HNMT: variants seen among roughly 807,000 people sequenced by gnomAD.
The protein encoded by HNMT is histamine N-methyltransferase.
A neutral mutation model predicts 32.1 loss-of-function variants in HNMT; 30 were observed. That is an observed-to-expected ratio of 0.93 (90% CI 0.70 to 1.27). The LOEUF (loss-of-function observed/expected upper bound fraction) is 1.27, where lower values mean the gene tolerates loss of function less well. Ranked by LOEUF, HNMT falls within the 50% of genes most tolerant of loss-of-function variation. The pLI, the probability that HNMT is intolerant of heterozygous loss-of-function variation, is 0.00. For missense variants in HNMT, 327 were observed against 346.0 expected, an observed-to-expected ratio of 0.95 and a Z score of 0.43; for synonymous variants, 125 against 119.0, an observed-to-expected ratio of 1.05 and a Z score of -0.33.
chr2:137,967,094 TAGATACCAG>T, intron 1 of HNMT: 1 of 780,664 alleles, frequency 1.3e-6, no homozygotes, highest in Non-Finnish European at 2.4e-6. Flanking sequence ...CACTGTCTTT[TAGATACCAG>T]AATTGCTGTT....
intron 4 of HNMT, among the ~76,000 whole-genome samples, chr2:138,004,518 C>A (rs1191421252): frequency 1.3e-5 from 2 of 151,972 alleles, no homozygotes; most frequent in African/African-American, 4.8e-5. Flanking sequence ...GTGGAAAGGC[C>A]TGTACTTCAC....
At position 137,966,954 on chromosome 2, in the gene HNMT, A is replaced by G. The variant is rs190970962; in HGVS notation, c.137+2326A>G. The G allele has an allele frequency of 6.1e-4, 396 of 654,196 alleles. 1 individual carries two copies. In the African/African-American group the frequency reaches 6.8e-3, roughly 11 times the overall value. 40.5% of individuals were successfully genotyped at this position (654,196 alleles called of 1,614,324 possible). ...TGAACAATTCTTTAAGAACTTTAAG[A>G]GTGAACGAGAGGTAAACTTTTTGAG... On this transcript the variant is annotated intron_variant, in intron 1 of 5. Transcript: ENST00000280097.
intron 2 of HNMT, among the ~76,000 whole-genome samples, chr2:137,983,654 C>CA (rs555345045): frequency 2.0e-5 from 3 of 152,012 alleles, no homozygotes; most frequent in South Asian, 2.1e-4. Flanking sequence ...GCATCTTCAA[C>CA]AAAAAACAAT....
chr2:138,002,401 A>T, intron 4 of HNMT: 2 of 981,724 alleles, frequency 2.0e-6, no homozygotes, highest in African/African-American at 3.4e-5. Context: ...AGTTTTCTCT[A>T]ATCAAAATAC....
intron 2 of HNMT, chr2:137,981,442 A>G (rs886140571): frequency 2.1e-6 from 3 of 1,402,634 alleles, no homozygotes; most frequent in Non-Finnish European, 3.0e-6. Flanking sequence ...TAGATCACAC[A>G]GTTGAAAATT....
At chr2:138,003,363 AT>A (rs1358085444) in intron 4 of HNMT, among the ~76,000 whole-genome samples, 2 of 152,100 alleles carry the variant, frequency 1.3e-5, no homozygotes, top group African/African-American at 2.4e-5. Context: ...CCAACGGGAA[AT>A]GTACGTATTT....
chr2:137,979,320 G>A (rs1029165502), intron 2 of HNMT, among the ~76,000 whole-genome samples: 6 of 151,430 alleles, frequency 4.0e-5, no homozygotes, highest in Non-Finnish European at 8.8e-5. Flanking sequence ...GCCCAGGCTG[G>A]AGTGCAGTGG....
chr2:137,967,261 A>C, intron 1 of HNMT: 1 of 618,634 alleles, frequency 1.6e-6, no homozygotes, highest in Non-Finnish European at 2.9e-6. Context: ...AAAGTGAAAA[A>C]GTTAGCTGAA....
intron 2 of HNMT, among the ~76,000 whole-genome samples, chr2:137,975,216 G>A (rs886200015): frequency 1.3e-5 from 2 of 152,170 alleles, no homozygotes; most frequent in East Asian, 1.9e-4. Context: ...TCTGTGATCT[G>A]TGCTTTTTCC....
chr2:137,989,256 C>A (rs1185939936), intron 2 of HNMT, among the ~76,000 whole-genome samples: 2 of 152,202 alleles, frequency 1.3e-5, no homozygotes, highest in Admixed American at 1.3e-4. Context: ...CAGCCCCTGG[C>A]AACCACTGAT....
chr2:137,987,796 A>G (rs1680693242), intron 2 of HNMT, among the ~76,000 whole-genome samples: 1 of 152,092 alleles, frequency 6.6e-6, no homozygotes, highest in Admixed American at 6.5e-5. Flanking sequence ...CTAGTACATC[A>G]TATAAATGAA....
At chr2:137,970,380 G>T (rs1323401109) in intron 2 of HNMT, among the ~76,000 whole-genome samples, 163 bp downstream of exon 2, 1 of 151,904 alleles carries the variant, frequency 6.6e-6, no homozygotes, top group East Asian at 1.9e-4. Context: ...TGCCCCCATA[G>T]ATTTACAGGG....
In HNMT at chr2:138,014,652, T is replaced by C. The variant is rs900638270; in HGVS notation, c.*522T>C. Reference sequence around the variant, plus strand: ...TTTAGAATATTAAAAATTAATTCTTTATCACATGTTGTCATTTCTTCCCAT... The same window carrying C: ...TTTAGAATATTAAAAATTAATTCTTCATCACATGTTGTCATTTCTTCCCAT... On this transcript the variant is annotated 3_prime_UTR_variant, in exon 6 of 6. Coordinates refer to ENST00000280097, the MANE Select transcript of HNMT (RefSeq NM_006895.3). 6.6e-6 allele frequency: 1 copy of C among 152,526 alleles called. No individual in the cohort carries two copies. The highest frequency in any genetic ancestry group is 1.5e-5 in the Non-Finnish European group (1 of 68,036). The allele number at this position is 152,526 out of a possible 1,614,324, so 9.4% of individuals were successfully genotyped here.
At chr2:138,012,228 A>G (rs1681527736) in intron 5 of HNMT, among the ~76,000 whole-genome samples, 1 of 152,130 alleles carries the variant, frequency 6.6e-6, no homozygotes, top group Admixed American at 6.6e-5. Context: ...GTTGCATTCA[A>G]GGTAAGTTTG....
At chr2:137,993,029 AC>A (rs748793932) in intron 2 of HNMT, among the ~76,000 whole-genome samples, 4 of 152,194 alleles carry the variant, frequency 2.6e-5, no homozygotes, top group African/African-American at 9.6e-5. Context: ...AAAAGTCTCC[AC>A]AAAAACTCCA....
At chr2:137,972,500 TTTA>T (rs1279489495) in intron 2 of HNMT, among the ~76,000 whole-genome samples, 3 of 152,200 alleles carry the variant, frequency 2.0e-5, no homozygotes, top group Non-Finnish European at 4.4e-5. Context: ...ATCATTTTAC[TTTA>T]TTATCATCTT....
intron 2 of HNMT, among the ~76,000 whole-genome samples, chr2:137,985,852 G>A (rs933100732): frequency 6.6e-6 from 1 of 152,030 alleles, no homozygotes; most frequent in Non-Finnish European, 1.5e-5. Context: ...AAGCCTCCAG[G>A]ATGTAAGAGA....
chr2:137,981,570 A>G (rs1680501761), intron 2 of HNMT: 5 of 573,156 alleles, frequency 8.7e-6, no homozygotes, highest in South Asian at 4.8e-5. Flanking sequence ...TACGTCTCCA[A>G]TGGTTAGAAC....
At chr2:138,005,101 G>A in intron 4 of HNMT, 31 bp from the exon 5 acceptor site, 2 of 1,185,918 alleles carry the variant, frequency 1.7e-6, no homozygotes, top group Non-Finnish European at 1.3e-6. Context: ...ACATACAGAA[G>A]CAGCTCATTT....
Sources: gnomAD v4.1 joint callset for allele counts (sites outside exome capture counted in the v4.1 genomes callset) on GRCh38, gnomAD v4.1.1 for gene constraint, MANE v1.5 for transcripts, NCBI Gene and HGNC (gene_info 2026-07-23, HGNC 2026-07-21) for gene names.